The following ME3 variants were observed in gnomAD, a reference collection of about 807,000 sequenced individuals.
The protein encoded by ME3 is malic enzyme 3.
In ME3, 48 loss-of-function variants were observed where a neutral mutation model predicts 68.9. The observed-to-expected ratio is 0.70, with a 90% confidence interval of 0.55 to 0.89. The LOEUF (loss-of-function observed/expected upper bound fraction) is 0.89. Among genes scored for constraint, ME3 ranks in the 40% least tolerant of loss-of-function variants. The probability of loss-of-function intolerance (pLI) is 0.00; values close to 1 mark genes in which losing one functional copy is unlikely to be tolerated. For synonymous variants in ME3, 320 were observed against 318.8 expected (o/e 1.00, Z -0.04); for missense variants, 675 against 797.4 (o/e 0.85, Z 1.85).
chr11:86,592,231 G>A (rs562920867), intron 2 of ME3, among the ~76,000 whole-genome samples: 3 of 152,172 alleles, frequency 2.0e-5, no homozygotes, highest in African/African-American at 4.8e-5. Flanking sequence ...GAACAAGAAT[G>A]TCCCTGGGTT....
chr11:86,648,576 T>G (rs904608400), intron 2 of ME3, among the ~76,000 whole-genome samples: 11 of 151,832 alleles, frequency 7.2e-5, no homozygotes, highest in African/African-American at 2.4e-4. Context: ...ACAAAACAGA[T>G]GTACTGCTAG....
At chr11:86,623,165 T>G (rs1943451408) in intron 2 of ME3, among the ~76,000 whole-genome samples, 2 of 152,134 alleles carry the variant, frequency 1.3e-5, no homozygotes, top group Non-Finnish European at 2.9e-5. Flanking sequence ...CTGCGTCGTC[T>G]CATCTGGTAT....
intron 4 of ME3, among the ~76,000 whole-genome samples, chr11:86,526,728 G>T (rs1484509608): frequency 6.6e-6 from 1 of 152,224 alleles, no homozygotes; most frequent in Non-Finnish European, 1.5e-5. Context: ...CTGTTCTGCA[G>T]CCTCTGCTGC....
intron 2 of ME3, among the ~76,000 whole-genome samples, chr11:86,631,391 G>C (rs565253859): frequency 3.9e-5 from 6 of 152,308 alleles, no homozygotes; most frequent in African/African-American, 1.4e-4. Flanking sequence ...TCTAAGGTCA[G>C]TCCACCTGCA....
intron 4 of ME3, among the ~76,000 whole-genome samples, chr11:86,520,185 G>A (rs1250531121): frequency 6.6e-6 from 1 of 152,144 alleles, no homozygotes; most frequent in Non-Finnish European, 1.5e-5. Flanking sequence ...ACCAGTGGAT[G>A]TGGAGTGCTC....
At chr11:86,604,786 G>A (rs999116351) in intron 2 of ME3, among the ~76,000 whole-genome samples, 9 of 152,104 alleles carry the variant, frequency 5.9e-5, no homozygotes, top group East Asian at 1.9e-4. Context: ...TAGAAATTAC[G>A]TCTTAATAGA....
intron 2 of ME3, among the ~76,000 whole-genome samples, chr11:86,669,861 A>C (rs1946811388): frequency 1.3e-5 from 2 of 152,260 alleles, no homozygotes; most frequent in Non-Finnish European, 1.5e-5. Flanking sequence ...ACTACTTAAC[A>C]AAGCAATAAA....
At chr11:86,490,078 ATTTTTC>A (rs1951909172) in intron 6 of ME3, among the ~76,000 whole-genome samples, 1 of 151,790 alleles carries the variant, frequency 6.6e-6, no homozygotes, top group African/African-American at 2.4e-5. Context: ...ACAAGAATCA[ATTTTTC>A]TTTTTAAGGA....
At chr11:86,580,790 T>A (rs1277631542) in intron 2 of ME3, among the ~76,000 whole-genome samples, 1 of 152,186 alleles carries the variant, frequency 6.6e-6, no homozygotes, top group Non-Finnish European at 1.5e-5. Context: ...AAAATAATCA[T>A]TTTTTTGCAC....
intron 4 of ME3, among the ~76,000 whole-genome samples, chr11:86,510,061 A>G (rs1228043168): frequency 1.3e-5 from 2 of 152,168 alleles, no homozygotes; most frequent in Non-Finnish European, 2.9e-5. Flanking sequence ...TGACCTCCAC[A>G]TTTCTTGCCA....
chr11:86,487,208 A>AT, intron 7 of ME3, 129 bp downstream of exon 7: 1 of 743,898 alleles, frequency 1.3e-6, no homozygotes. Flanking sequence ...TCAAGTTGGA[A>AT]TTTTCAGAAT....
At chr11:86,653,245 C>T (rs1945595511) in intron 2 of ME3, among the ~76,000 whole-genome samples, 1 of 152,164 alleles carries the variant, frequency 6.6e-6, no homozygotes, top group South Asian at 2.1e-4. Flanking sequence ...CCAAGCAGAC[C>T]TAATAGATAT....
chr11:86,497,548 C>G (rs971084596), intron 6 of ME3, among the ~76,000 whole-genome samples: 3 of 152,140 alleles, frequency 2.0e-5, no homozygotes, highest in African/African-American at 7.2e-5. Flanking sequence ...GACATTTTGG[C>G]CCCTGGTGCT....
At chr11:86,602,870 A>G (rs1960945383) in intron 2 of ME3, among the ~76,000 whole-genome samples, 1 of 152,206 alleles carries the variant, frequency 6.6e-6, no homozygotes, top group Admixed American at 6.5e-5. Context: ...TATTTAATAA[A>G]TGGTGCTGGG....
chr11:86,460,240 C>T (rs1033094660), intron 8 of ME3, among the ~76,000 whole-genome samples: 2 of 152,204 alleles, frequency 1.3e-5, no homozygotes, highest in African/African-American at 4.8e-5. Context: ...TGGGCCTGGG[C>T]CAAGGCTTTA....
chr11:86,462,759 G>A, intron 8 of ME3: 1 of 473,128 alleles, frequency 2.1e-6, no homozygotes, highest in South Asian at 1.6e-5. Flanking sequence ...TGCAATACAG[G>A]CTTTTGGGGT....
chr11:86,600,752 C>T (rs1467406032), intron 2 of ME3, among the ~76,000 whole-genome samples: 2 of 151,828 alleles, frequency 1.3e-5, no homozygotes, highest in African/African-American at 4.8e-5. Flanking sequence ...AACAAACTGT[C>T]TCTCAGACCA....
intron 2 of ME3, among the ~76,000 whole-genome samples, chr11:86,573,895 GT>G (rs1957942773): frequency 6.6e-6 from 1 of 152,140 alleles, no homozygotes; most frequent in Non-Finnish European, 1.5e-5. Context: ...TAATCATGTG[GT>G]TATTGTCATT....
At chr11:86,584,416 G>C (rs1359537146) in intron 2 of ME3, among the ~76,000 whole-genome samples, 4 of 152,152 alleles carry the variant, frequency 2.6e-5, no homozygotes, top group African/African-American at 9.7e-5. Flanking sequence ...GAGGTTCCTT[G>C]AAAATTTAAA....
Sources: gnomAD v4.1 joint callset for allele counts (sites outside exome capture counted in the v4.1 genomes callset) on GRCh38, gnomAD v4.1.1 for gene constraint, MANE v1.5 for transcripts, NCBI Gene and HGNC (gene_info 2026-07-23, HGNC 2026-07-21) for gene names.